PCDH10: variants seen among roughly 807,000 people sequenced by gnomAD.
PCDH10 encodes protocadherin 10.
PCDH10 carries 15 observed loss-of-function variants against 74.4 expected under a neutral mutation model. The observed-to-expected ratio is 0.20, with a 90% CI of 0.13 to 0.31. PCDH10 has a LOEUF of 0.31. PCDH10 is among the 10% of genes least tolerant of loss of function. PCDH10 has a pLI of 1.00. For missense variants in PCDH10, 1,260 were observed against 1,390.2 expected (o/e 0.91, Z 1.49); for synonymous variants, 619 against 589.8 (o/e 1.05, Z -0.72).
chr4:133,173,562 C>T (rs1727238794), intron 4 of PCDH10, among the ~76,000 whole-genome samples: 1 of 151,904 alleles, frequency 6.6e-6, no homozygotes, highest in African/African-American at 2.4e-5. Flanking sequence ...AATGCCTTTC[C>T]TCATCTGCAT....
chr4:133,175,771 A>C (rs1393018859), intron 4 of PCDH10, among the ~76,000 whole-genome samples: 3 of 152,114 alleles, frequency 2.0e-5, no homozygotes, highest in African/African-American at 7.2e-5. Context: ...TGATATGCTC[A>C]GGGTCATCCT....
chr4:133,206,555 C>T (rs776226825), intron 2 of PCDH10, among the ~76,000 whole-genome samples: 8 of 152,178 alleles, frequency 5.3e-5, no homozygotes, highest in Non-Finnish European at 1.0e-4. Flanking sequence ...ACACTCTTAG[C>T]TTCCAGCTAA....
rs34332814 is a variant in PCDH10 at position 133,184,773 on chromosome 4, AAT to A, written c.3104-5358_3104-5357del. 5.1e-5 allele frequency among the ~76,000 whole-genome samples: 7 copies of A among 136,856 alleles called. No individual in the cohort carries two copies. The South Asian group carries it at 6.7e-4, about 13-fold the overall frequency. The allele number at this position is 136,856 out of a possible 152,430, so 89.8% of individuals were successfully genotyped here. A position where few individuals can be genotyped will look rare whatever the true frequency, so the allele number is the denominator to read the frequency against. On this transcript the variant is annotated intron_variant, in intron 4 of 4. Coordinates refer to ENST00000264360, the MANE Select transcript of PCDH10 (RefSeq NM_032961.3). ...TTGTGTATATATGTGTAAATATATA[AAT>A]ATATATATAAATATATATATTTATA...
At chr4:133,200,054 TC>T (rs1489540434) in intron 2 of PCDH10, among the ~76,000 whole-genome samples, 1 of 151,564 alleles carries the variant, frequency 6.6e-6, no homozygotes, top group Non-Finnish European at 1.5e-5. Flanking sequence ...CACCTCAGCC[TC>T]CCAAAGTGCT....
intron 4 of PCDH10, among the ~76,000 whole-genome samples, chr4:133,169,267 T>C (rs11099234): frequency 0.5 from 75,876 of 151,428 alleles, 19,333 homozygotes; most frequent in African/African-American, 0.57. Context: ...ATTTAATTCC[T>C]ATGTAGGATT....
intron 4 of PCDH10, among the ~76,000 whole-genome samples, chr4:133,173,228 G>A (rs1727233187): frequency 6.6e-6 from 1 of 151,926 alleles, no homozygotes; most frequent in South Asian, 2.1e-4. Flanking sequence ...TCTGAAGAGA[G>A]TTTAAATGGC....
intron 4 of PCDH10, among the ~76,000 whole-genome samples, chr4:133,176,282 C>A (rs1211938895): frequency 1.3e-5 from 2 of 151,974 alleles, no homozygotes; most frequent in African/African-American, 2.4e-5. Flanking sequence ...AACTACTGAC[C>A]CAGCCAGATA....
At chr4:133,195,469 C>T (rs1260821745), downstream of PCDH10, among the ~76,000 whole-genome samples, 1 of 152,048 alleles carries the variant, frequency 6.6e-6, no homozygotes, top group African/African-American at 2.4e-5. Flanking sequence ...CTGTGTATCA[C>T]TACCTTTTAT....
At position 133,165,845 on chromosome 4, in the gene PCDH10, G is replaced by A. The variant is rs116288367; in HGVS notation, c.3103+2563G>A. 4.5e-3 allele frequency among the ~76,000 whole-genome samples: 681 copies of A among 151,684 alleles called. 3 individuals are homozygous for A. The highest frequency in any genetic ancestry group is 0.016 in the African/African-American group (648 of 41,494). Reference sequence around the variant, plus strand: ...AATAACTTTTGATTTCTATACCTCCGATTGCTAAAGTTAAAACTAAAAACT... The same window carrying A: ...AATAACTTTTGATTTCTATACCTCCAATTGCTAAAGTTAAAACTAAAAACT... On this transcript the variant is annotated intron_variant, in intron 4 of 4. Transcript: ENST00000264360.
At chr4:133,181,177 CAG>C (rs934466737) in intron 4 of PCDH10, among the ~76,000 whole-genome samples, 11 of 151,746 alleles carry the variant, frequency 7.2e-5, no homozygotes, top group Admixed American at 6.6e-4. Context: ...CTCAAAAAAA[CAG>C]GGATAAAATG....
chr4:133,150,780 G>A lies in PCDH10; in HGVS notation c.640G>A (p.Glu214Lys), dbSNP rs767146068. Reference protein sequence around the residue: ...VDGGGGGGVGEGGGGGGGAGL... With the variant: ...VDGGGGGGVGKGGGGGGGAGL... ...CGGAGGAGGTGGGGGAGGAGTAGGA[G>A]AAGGAGGGGGAGGTGGCGGGGGAGC... Residue 214 changes from glutamate (E) to lysine (K), a missense_variant, in exon 1 of 5, where the codon GAA becomes AAA. Physicochemically the swap from Glu to Lys is moderately conservative, Grantham distance 56. Coordinates refer to ENST00000264360, the MANE Select transcript of PCDH10 (RefSeq NM_032961.3). 5 of 1,517,860 alleles carry A rather than the reference G, an allele frequency of 3.3e-6. No homozygotes were observed. The highest frequency in any genetic ancestry group is 1.2e-5 in the South Asian group (1 of 86,238). 94.0% of individuals were successfully genotyped at this position (1,517,860 alleles called of 1,614,324 possible).
In PCDH10 at chr4:133,152,690, C is replaced by G; in HGVS notation, c.2550C>G (p.His850Gln). The part of the protein sequence containing the change: ...CSPSRSTDTE[H>Q]NPCGAIVTGY... ...CTTCGCGGAGTACGGACACTGAGCA[C>G]AACCCCTGCGGGGCCATCGTCACCG... Residue 850 changes from histidine (H) to glutamine (Q), a missense_variant, in exon 1 of 5, where the codon CAC becomes CAG. His to Gln is a conservative substitution (Grantham distance 24). Coordinates refer to ENST00000264360, the MANE Select transcript of PCDH10 (RefSeq NM_032961.3). 2.5e-6 allele frequency: 4 copies of G among 1,614,224 alleles called. No homozygotes were observed. The highest frequency in any genetic ancestry group is 3.4e-6 in the Non-Finnish European group (4 of 1,180,048).
chr4:133,177,833 G>A (rs1727327259), intron 4 of PCDH10, among the ~76,000 whole-genome samples: 1 of 152,036 alleles, frequency 6.6e-6, no homozygotes, highest in Non-Finnish European at 1.5e-5. Flanking sequence ...CGCATTAACA[G>A]AGGAACGTGA....
intron 4 of PCDH10, among the ~76,000 whole-genome samples, chr4:133,179,939 T>G (rs542988616): frequency 6.6e-6 from 1 of 152,054 alleles, no homozygotes; most frequent in Non-Finnish European, 1.5e-5. Flanking sequence ...AATAATAAAA[T>G]TACAGTAGTC....
At chr4:133,160,743 G>T (rs1726952642) in intron 3 of PCDH10, among the ~76,000 whole-genome samples, 1 of 151,448 alleles carries the variant, frequency 6.6e-6, no homozygotes, top group Non-Finnish European at 1.5e-5. Flanking sequence ...TCTAGAAAAT[G>T]ATATTTAGTC....
intron 4 of PCDH10, among the ~76,000 whole-genome samples, chr4:133,187,651 C>T (rs1262360375): frequency 1.3e-5 from 2 of 151,992 alleles, no homozygotes; most frequent in African/African-American, 4.8e-5. Flanking sequence ...ATTCAGACAA[C>T]AAGTACAATA....
chr4:133,189,719 A>G (rs979205439), intron 4 of PCDH10, among the ~76,000 whole-genome samples: 1 of 152,068 alleles, frequency 6.6e-6, no homozygotes, highest in Non-Finnish European at 1.5e-5. Context: ...TTTAATATGT[A>G]TAATTTATAG....
intron 4 of PCDH10, among the ~76,000 whole-genome samples, chr4:133,169,970 T>A (rs1050287674): frequency 1.3e-5 from 2 of 152,044 alleles, no homozygotes; most frequent in African/African-American, 4.8e-5. Context: ...CTCAGCATAA[T>A]GTGAGTCATT....
At position 133,192,882 on chromosome 4, in the gene PCDH10, A is replaced by G. The variant is rs1727709341; in HGVS notation, c.*2722A>G. ...GAAGGTTTCTAATTAAGCATTTACT[A>G]GATTAATATATCAAGGAATTTTAGG... On this transcript the variant is annotated 3_prime_UTR_variant, in exon 5 of 5. Coordinates refer to ENST00000264360, the MANE Select transcript of PCDH10 (RefSeq NM_032961.3). The G allele has an allele frequency of 1.3e-5, 2 of 151,658 alleles. No homozygotes were observed. The highest frequency in any genetic ancestry group is 4.8e-5 in the African/African-American group (2 of 41,428). 9.4% of individuals were successfully genotyped at this position (151,658 alleles called of 1,614,324 possible).
Sources: gnomAD v4.1 joint callset for allele counts (sites outside exome capture counted in the v4.1 genomes callset) on GRCh38, gnomAD v4.1.1 for gene constraint, MANE v1.5 for transcripts, NCBI Gene and HGNC (gene_info 2026-07-23, HGNC 2026-07-21) for gene names.